PLPPR1: variants seen among roughly 807,000 people sequenced by gnomAD.
The protein encoded by PLPPR1 is phospholipid phosphatase related 1.
A neutral mutation model predicts 33.1 loss-of-function variants in PLPPR1; 10 were observed. That is an observed-to-expected ratio of 0.30 (90% CI 0.19 to 0.51). The LOEUF is 0.51. Ranked by LOEUF, PLPPR1 falls within the 20% of genes least tolerant of loss-of-function variation. The pLI is 0.97. For missense variants in PLPPR1, 304 were observed against 408.1 expected (o/e 0.74, Z 2.20); for synonymous variants, 151 against 151.0 (o/e 1.00, Z 0.00).
chr9:101,181,761 CAT>C (rs1423542262), intron 1 of PLPPR1, among the ~76,000 whole-genome samples: 6 of 146,004 alleles, frequency 4.1e-5, no homozygotes, highest in African/African-American at 1.0e-4. Context: ...ACACAACACA[CAT>C]ACATATATAC....
chr9:101,097,442 T>A (rs1266630397), intron 1 of PLPPR1, among the ~76,000 whole-genome samples: 1 of 152,186 alleles, frequency 6.6e-6, no homozygotes, highest in Admixed American at 6.5e-5. Context: ...AACATTTGAA[T>A]GATGTGCTTA....
At chr9:101,257,192 C>T (rs1409113758) in intron 2 of PLPPR1, among the ~76,000 whole-genome samples, 1 of 152,046 alleles carries the variant, frequency 6.6e-6, no homozygotes, top group Non-Finnish European at 1.5e-5. Flanking sequence ...TCACAAACTT[C>T]TCCTGGCCCC....
intron 1 of PLPPR1, chr9:101,125,615 G>C (rs1831236177): frequency 3.6e-6 from 2 of 558,986 alleles, no homozygotes; most frequent in East Asian, 8.1e-5. Flanking sequence ...CTCCACATCA[G>C]AGTCATCCTC....
chr9:101,320,209 C>T (rs938118220), intron 7 of PLPPR1, among the ~76,000 whole-genome samples: 2 of 152,090 alleles, frequency 1.3e-5, no homozygotes, highest in African/African-American at 4.8e-5. Context: ...TTATGGATGC[C>T]GCCTCATATG....
chr9:101,169,146 G>A (rs1273478292), intron 1 of PLPPR1, among the ~76,000 whole-genome samples: 2 of 151,978 alleles, frequency 1.3e-5, no homozygotes. Context: ...CTTTTGCTGG[G>A]GACTTTCCCA....
chr9:101,128,478 GC>G (rs1831274399), intron 1 of PLPPR1, among the ~76,000 whole-genome samples: 1 of 152,136 alleles, frequency 6.6e-6, no homozygotes, highest in African/African-American at 2.4e-5. Context: ...TTTACTGAGT[GC>G]CAAATTCAGT....
At chr9:101,248,478 T>C (rs1362679203) in intron 2 of PLPPR1, among the ~76,000 whole-genome samples, 1 of 152,034 alleles carries the variant, frequency 6.6e-6, no homozygotes, top group Non-Finnish European at 1.5e-5. Context: ...AGATTATGCA[T>C]TGTGCTATGT....
chr9:101,292,336 G>T (rs1223444527), intron 4 of PLPPR1, among the ~76,000 whole-genome samples: 8 of 152,086 alleles, frequency 5.3e-5, no homozygotes, highest in African/African-American at 1.2e-4. Flanking sequence ...GAAAGTGATG[G>T]GGAGAATGGA....
intron 4 of PLPPR1, among the ~76,000 whole-genome samples, chr9:101,298,058 A>G (rs1828681433): frequency 6.6e-6 from 1 of 152,250 alleles, no homozygotes. Flanking sequence ...AGACAGCATT[A>G]GAATTTGATG....
intron 1 of PLPPR1, among the ~76,000 whole-genome samples, chr9:101,119,084 A>T (rs1227732218): frequency 6.6e-6 from 1 of 152,190 alleles, no homozygotes; most frequent in Admixed American, 6.5e-5. Flanking sequence ...CAAATTGGAC[A>T]TGCAGCACCA....
At chr9:101,154,800 T>C (rs1831654250) in intron 1 of PLPPR1, among the ~76,000 whole-genome samples, 1 of 152,108 alleles carries the variant, frequency 6.6e-6, no homozygotes, top group South Asian at 2.1e-4. Flanking sequence ...GATGAGTTCA[T>C]GTCCTTTGTA....
chr9:101,158,485 G>A (rs1414605804), intron 1 of PLPPR1, among the ~76,000 whole-genome samples: 2 of 152,144 alleles, frequency 1.3e-5, no homozygotes, highest in Non-Finnish European at 1.5e-5. Flanking sequence ...AGTTTCTTTG[G>A]TAAGCCGAGG....
At chr9:101,081,115 CCT>C (rs1830612643) in intron 1 of PLPPR1, among the ~76,000 whole-genome samples, 1 of 152,166 alleles carries the variant, frequency 6.6e-6, no homozygotes, top group East Asian at 1.9e-4. Context: ...ATTATTGTCT[CCT>C]CTCCCATTTT....
chr9:101,143,844 A>T (rs1831486722), intron 1 of PLPPR1, among the ~76,000 whole-genome samples: 2 of 152,220 alleles, frequency 1.3e-5, no homozygotes, highest in Admixed American at 1.3e-4. Context: ...ACTGTAAACT[A>T]GTTCAACCAT....
intron 1 of PLPPR1, among the ~76,000 whole-genome samples, chr9:101,133,259 A>G (rs889284716): frequency 6.6e-6 from 1 of 152,172 alleles, no homozygotes; most frequent in African/African-American, 2.4e-5. Context: ...TCTTTTTAAT[A>G]AGCATAGTTT....
At chr9:101,175,456 C>T (rs1261703541) in intron 1 of PLPPR1, among the ~76,000 whole-genome samples, 1 of 152,086 alleles carries the variant, frequency 6.6e-6, no homozygotes, top group East Asian at 1.9e-4. Context: ...GTCCTAGGCA[C>T]TGTCTACTGT....
chr9:101,231,478 T>C (rs935526641), intron 2 of PLPPR1, among the ~76,000 whole-genome samples: 12 of 151,992 alleles, frequency 7.9e-5, no homozygotes, highest in Non-Finnish European at 1.2e-4. Flanking sequence ...TCTCAGGTAC[T>C]TTTGAAAATG....
rs540643512 is a variant in PLPPR1, at chr9:101,292,820, G to T, written c.385+6584G>T. On this transcript the variant is annotated intron_variant, in intron 4 of 7. Coordinates refer to ENST00000374874, the MANE Select transcript of PLPPR1 (RefSeq NM_207299.2). ...CTGTAGGAAGCACTAAACATGGAAA[G>T]GAACAACCAGTACCAGCCACTGCAA... is the stretch of plus-strand genomic sequence containing the variant. Among the ~76,000 whole-genome samples, 4 of 151,900 alleles carry T rather than the reference G, an allele frequency of 2.6e-5. No homozygotes were observed. The East Asian group carries it at 7.7e-4, about 29-fold the overall frequency.
chr9:101,281,577 C>G (rs1828305180), intron 3 of PLPPR1, among the ~76,000 whole-genome samples: 1 of 151,626 alleles, frequency 6.6e-6, no homozygotes, highest in Non-Finnish European at 1.5e-5. Flanking sequence ...ACCAATGGAA[C>G]AGAATAGAGA....
Sources: gnomAD v4.1 joint callset for allele counts (sites outside exome capture counted in the v4.1 genomes callset) on GRCh38, gnomAD v4.1.1 for gene constraint, MANE v1.5 for transcripts, NCBI Gene and HGNC (gene_info 2026-07-23, HGNC 2026-07-21) for gene names.